Variants in EXD3 observed in about 807,000 individuals in gnomAD.
The protein encoded by EXD3 is exonuclease 3'-5' domain containing 3.
Under a neutral mutation model 98.0 loss-of-function variants are expected in EXD3, and 92 were observed. The ratio of observed to expected loss-of-function variants is 0.94; its 90% confidence interval spans 0.79 to 1.12. The LOEUF is 1.12. Among genes scored for constraint, EXD3 ranks in the 50% most tolerant of loss-of-function variants. EXD3 has a pLI of 0.00. For missense variants in EXD3, 1,222 were observed against 1,191.6 expected, an observed-to-expected ratio of 1.03 and a Z score of -0.38; for synonymous variants, 569 against 526.0, an observed-to-expected ratio of 1.08 and a Z score of -1.12.
chr9:137,400,481 C>T (rs1837422127), intron 1 of EXD3, among the ~76,000 whole-genome samples: 1 of 152,174 alleles, frequency 6.6e-6, no homozygotes, highest in South Asian at 2.1e-4. Context: ...TACAGCCATT[C>T]TGGGCCGGGC....
intron 3 of EXD3, among the ~76,000 whole-genome samples, chr9:137,379,929 A>G (rs1410548196): frequency 1.3e-5 from 2 of 151,808 alleles, no homozygotes; most frequent in African/African-American, 4.8e-5. Flanking sequence ...TTGTGTGCCC[A>G]CGTCGGCCAG....
Position 137,385,070 on chromosome 9 carries a change from C to T in EXD3, c.56-1693G>A, listed in dbSNP as rs1438724366. On this transcript the variant is annotated intron_variant, in intron 2 of 21. Transcript: ENST00000340951. This position sits in a 1 kb window ranked among gnomAD's most constrained non-coding sequence, Gnocchi z 4.4. ...TCGGGCCACTGCACTCCAGCCTGGG[C>T]AACAGAGCGAGACTCCGTCTCAGAC... Among the ~76,000 whole-genome samples the T allele has an allele frequency of 1.3e-5, 2 of 152,152 alleles. No homozygotes were observed. The highest frequency in any genetic ancestry group is 2.9e-5 in the Non-Finnish European group (2 of 68,036).
intron 1 of EXD3, among the ~76,000 whole-genome samples, chr9:137,414,015 T>C (rs1359683123): frequency 2.7e-5 from 4 of 150,024 alleles, no homozygotes. Flanking sequence ...CTCCCGGGTT[T>C]ACGCCATTCT....
At position 137,313,933 on chromosome 9, in the gene EXD3, A is replaced by G. The variant is rs113266355; in HGVS notation, c.2185-4233T>C. Among the ~76,000 whole-genome samples the G allele has an allele frequency of 2.6e-4, 39 of 152,292 alleles. No homozygotes were observed. In the Middle Eastern group the frequency reaches 0.014, roughly 53 times the overall value. On this transcript the variant is annotated intron_variant, in intron 19 of 21. Coordinates refer to ENST00000340951, the MANE Select transcript of EXD3 (RefSeq NM_017820.5). ...CTGGACAGGCCTCTGCACGGCTAGG[A>G]CTGTGTGCGGAGATCCTCACATCGG...
intron 1 of EXD3, among the ~76,000 whole-genome samples, chr9:137,418,600 GGT>G (rs1169467742): frequency 6.6e-6 from 1 of 152,078 alleles, no homozygotes; most frequent in African/African-American, 2.4e-5. Context: ...GGAAAATTAG[GGT>G]CACGAAGTTA....
In EXD3 at chr9:137,355,626, G is replaced by GA. The variant is rs1564508910; in HGVS notation, c.757+641dup. ...GAGAAAGGAGGAAGGAGGAAGGGAG[G>GA]ATGGAGGAAGGAGGAAGGAGGAAGG... On this transcript the variant is annotated intron_variant, in intron 8 of 21. Coordinates refer to ENST00000340951, the MANE Select transcript of EXD3 (RefSeq NM_017820.5). 3.8e-3 allele frequency among the ~76,000 whole-genome samples: 54 copies of GA among 14,042 alleles called. 3 individuals carry two copies. Among genetic ancestry groups the GA allele is most frequent in the African/African-American group, 0.019 (29 of 1,530 alleles). 9.2% of individuals were successfully genotyped at this position (14,042 alleles called of 152,430 possible).
chr9:137,307,301 T>A, intron 21 of EXD3, 38 bp from the exon 22 acceptor site: 1 of 1,451,574 alleles, frequency 6.9e-7, no homozygotes. Context: ...GCCCTCAGCC[T>A]TCGGGCACGG....
At chr9:137,307,708 G>A (rs1050829685) in intron 20 of EXD3, 62 bp from the exon 21 acceptor site, 45 of 1,584,414 alleles carry the variant, frequency 2.8e-5, no homozygotes, top group Admixed American at 1.0e-4. Context: ...GGCAGCCAGC[G>A]GGGTCCATGA....
chr9:137,307,269 C>T lies in EXD3; in HGVS notation c.2318-6G>A. On this transcript the variant is annotated splice_polypyrimidine_tract_variant and splice_region_variant and intron_variant, in intron 21 of 21. Transcript: ENST00000340951. ...GGCTGCGTCTGGGGCTGGGCCTGGA[C>T]AGATAGAAGTGGACTCCCTGAGCCC... is the stretch of plus-strand genomic sequence containing the variant. 2 of 1,501,038 alleles carry T rather than the reference C, an allele frequency of 1.3e-6. No homozygotes were observed. The highest frequency in any genetic ancestry group is 1.3e-5 in the South Asian group (1 of 75,800). 93.0% of individuals were successfully genotyped at this position (1,501,038 alleles called of 1,614,324 possible). A position where few individuals can be genotyped will look rare whatever the true frequency, so the allele number is the denominator to read the frequency against.
At chr9:137,343,977 C>T (rs1230929954) in intron 17 of EXD3, among the ~76,000 whole-genome samples, 2 of 138,954 alleles carry the variant, frequency 1.4e-5, no homozygotes, top group Non-Finnish European at 3.1e-5. Context: ...CTGCAATCTC[C>T]ACCCCCTGGG....
At position 137,371,958 on chromosome 9, in the gene EXD3, A is replaced by G. The variant is rs1367311785; in HGVS notation, c.462+947T>C. ...AGGCCCCACTGCTCCCTACTGTTCC[A>G]CACAAACCCAAGTCACAGCTTGGCC... On this transcript the variant is annotated intron_variant, in intron 5 of 21. Transcript: ENST00000340951. The surrounding 1 kb of genome is among the most constrained non-coding windows in gnomAD (Gnocchi z 8.0). 4.6e-5 allele frequency among the ~76,000 whole-genome samples: 7 copies of G among 152,058 alleles called. No homozygotes were observed. The highest frequency in any genetic ancestry group is 1.0e-4 in the Non-Finnish European group (7 of 67,998).
rs191036272 is a variant in EXD3 at position 137,338,612 on chromosome 9, C to T, written c.1998+9459G>A. Reference sequence around the variant, plus strand: ...TTTAAAAGGCAGTAAGTTGGCCGGGCGCAGTGGCTCACGCCTGTAATCCCA... The same window carrying T: ...TTTAAAAGGCAGTAAGTTGGCCGGGTGCAGTGGCTCACGCCTGTAATCCCA... On this transcript the variant is annotated intron_variant, in intron 17 of 21. Transcript: ENST00000340951. Among the ~76,000 whole-genome samples, 633 of 151,928 alleles carry T rather than the reference C, an allele frequency of 4.2e-3. 1 individual carries two copies. Among genetic ancestry groups the T allele is most frequent in the Non-Finnish European group, 6.9e-3 (466 of 67,986 alleles).
In EXD3 at chr9:137,306,959, A is replaced by G. The variant is rs113731401; in HGVS notation, c.2622T>C (p.Ser874=). 3,878 of 1,577,414 alleles carry G rather than the reference A, an allele frequency of 2.5e-3. 63 individuals carry two copies. The African/African-American group carries it at 0.033, about 13-fold the overall frequency. The part of the protein sequence containing the change: ...EPSPAPSPAS[S]PF ...TATTGTCTGGCTGTCCTCAGAAGGG[A>G]CTGCTGGCCGGGCTGGGGGCTGGGC... is the stretch of plus-strand genomic sequence containing the variant. The change falls in exon 22 of 22, where the codon AGT becomes AGC. Residue 874 remains serine (S), a synonymous_variant. Coordinates refer to ENST00000340951, the MANE Select transcript of EXD3 (RefSeq NM_017820.5).
chr9:137,404,539 C>T (rs184562045), intron 1 of EXD3, among the ~76,000 whole-genome samples: 68 of 152,324 alleles, frequency 4.5e-4, no homozygotes, highest in Non-Finnish European at 7.3e-5. Context: ...ACTACATTTG[C>T]AAATTCTGAA....
chr9:137,373,307 C>T (rs1172896157), intron 4 of EXD3, 119 bp downstream of exon 4: 52 of 1,291,654 alleles, frequency 4.0e-5, no homozygotes, highest in Non-Finnish European at 5.3e-5. Context: ...CAGCATCCCC[C>T]TCCCCTTCCC....
intron 8 of EXD3, among the ~76,000 whole-genome samples, chr9:137,355,497 G>GACCTAGAAACACTGCAAAATCCAGATA: frequency 2.2e-5 from 1 of 44,752 alleles, no homozygotes; most frequent in Non-Finnish European, 5.1e-5. Flanking sequence ...GAGGATGGAG[G>GACCTAGAAACACTGCAAAATCCAGATA]AAGGAGGAAG....
chr9:137,382,093 G>GCGCGGAGGAGGTGAGGGTGC (rs758231525), intron 3 of EXD3, among the ~76,000 whole-genome samples: 1 of 109,084 alleles, frequency 9.2e-6, no homozygotes, highest in Non-Finnish European at 1.8e-5. Context: ...AGGTCAGGGC[G>GCGCGGAGGAGGTGAGGGTGC]GCGGTGGAGG....
Position 137,372,934 on chromosome 9 carries a change from G to T in EXD3, c.433C>A (p.Arg145Ser). The T allele has an allele frequency of 6.2e-7, 1 of 1,600,666 alleles. No individual in the cohort carries two copies. Among genetic ancestry groups the T allele is most frequent in the Non-Finnish European group, 8.5e-7 (1 of 1,179,712 alleles). The change falls in exon 5 of 22, where the codon CGC becomes AGC. Residue 145 changes from arginine to serine, a missense_variant. Transcript: ENST00000340951. ...DRSCLLAHVHRLHHEGRFREA... is the reference protein window; with the variant it reads ...DRSCLLAHVHSLHHEGRFREA... ...CTGAACCTGCCCTCGTGGTGGAGGC[G>T]GTGGACGTGTGCCAGCAGGCAGCTC...
chr9:137,372,889 C>T lies in EXD3; in HGVS notation c.462+16G>A. The T allele has an allele frequency of 6.3e-7, 1 of 1,596,920 alleles. No individual in the cohort carries two copies. Among genetic ancestry groups the T allele is most frequent in the Non-Finnish European group, 8.5e-7 (1 of 1,179,472 alleles). On this transcript the variant is annotated intron_variant, in intron 5 of 21. Transcript: ENST00000340951. The stretch of plus-strand genomic sequence containing the variant: ...GAAGCCGTTTCCCCATGAGCCCGGC[C>T]ACGTGGGCCACTCACTTCTCTGAAC...
Sources: allele counts gnomAD v4.1 joint callset (sites outside exome capture counted in the v4.1 genomes callset), GRCh38; gene constraint gnomAD v4.1.1; non-coding constraint Gnocchi (gnomAD v3.1); transcripts MANE v1.5; gene names NCBI Gene and HGNC (gene_info 2026-07-23, HGNC 2026-07-21).